Variants in TPPP observed in about 807,000 individuals in gnomAD.
TPPP encodes the protein tubulin polymerization promoting protein.
TPPP carries 6 observed loss-of-function variants against 15.5 expected under a neutral mutation model. That is an observed-to-expected ratio of 0.39 (90% CI 0.21 to 0.77). TPPP has a LOEUF of 0.77. TPPP is among the 30% of genes least tolerant of loss of function. The pLI is 0.42. For missense variants in TPPP, 269 were observed against 307.2 expected (o/e 0.88, Z 0.93); for synonymous variants, 146 against 133.9 (o/e 1.09, Z -0.63).
In TPPP at chr5:664,652, G is replaced by A. The variant is rs576714223; in HGVS notation, c.*450C>T. The A allele has an allele frequency of 5.9e-5, 10 of 169,254 alleles. No homozygotes were observed. The highest frequency in any genetic ancestry group is 1.1e-4 in the Non-Finnish European group (9 of 78,484). The allele number at this position is 169,254 out of a possible 1,614,324, so 10.5% of individuals were successfully genotyped here. On this transcript the variant is annotated 3_prime_UTR_variant, in exon 4 of 4. Coordinates refer to ENST00000360578, the MANE Select transcript of TPPP (RefSeq NM_007030.3). ...CTCGGGCCCCACAGACACCTCCCAC[G>A]TCCGGTGTGGGGCCAATTCCGTGTT...
At chr5:696,816 C>T (rs543187892), upstream of TPPP, among the ~76,000 whole-genome samples, 28 of 126,784 alleles carry the variant, frequency 2.2e-4, 1 homozygote, top group East Asian at 1.8e-3. Flanking sequence ...GTATGCATGC[C>T]GGTGTATGTA....
intron 1 of TPPP, among the ~76,000 whole-genome samples, chr5:684,769 C>T (rs980816596): frequency 1.3e-5 from 2 of 152,292 alleles, no homozygotes; most frequent in East Asian, 1.9e-4. Context: ...TATCATCGCA[C>T]GGCACTCCTG....
At chr5:691,169 C>A (rs1740853638) in intron 1 of TPPP, among the ~76,000 whole-genome samples, 1 of 49,342 alleles carries the variant, frequency 2.0e-5, no homozygotes, top group Non-Finnish European at 3.5e-5. Context: ...TCCGGGAGCC[C>A]GCCCCTCCCC....
rs1191831297 is a variant in TPPP, at chr5:660,507, T to C, written c.*4595A>G. On this transcript the variant is annotated 3_prime_UTR_variant, in exon 4 of 4. Transcript: ENST00000360578. ...AGTGTTTGAAGGACGTTCTAGCCTA[T>C]TGATAACATCACGGTCCAGCCTCAT... The C allele has an allele frequency of 6.6e-6, 1 of 152,426 alleles. No homozygotes were observed. The highest frequency in any genetic ancestry group is 1.5e-5 in the Non-Finnish European group (1 of 68,094). The allele number at this position is 152,426 out of a possible 1,614,324, so 9.4% of individuals were successfully genotyped here.
the TPPP span, among the ~76,000 whole-genome samples, chr5:698,495 C>T: frequency 4.6e-5 from 7 of 152,130 alleles, 1 homozygote; most frequent in Admixed American, 3.9e-4. Context: ...CATGGACTTA[C>T]AGTTCCACAC....
At chr5:678,098 G>A (rs760806484) in intron 1 of TPPP, 34 bp from the exon 2 acceptor site, 25 of 1,466,880 alleles carry the variant, frequency 1.7e-5, no homozygotes, top group East Asian at 9.9e-5. Flanking sequence ...GGTGTCACCC[G>A]GGCCATGTCC....
intron 2 of TPPP, among the ~76,000 whole-genome samples, chr5:677,180 G>A (rs1740479878): frequency 6.6e-6 from 1 of 152,246 alleles, no homozygotes; most frequent in African/African-American, 2.4e-5. Flanking sequence ...GGGAATCCTG[G>A]GGCAGAAATA....
chr5:684,559 C>T (rs1338529049), intron 1 of TPPP, among the ~76,000 whole-genome samples: 1 of 149,084 alleles, frequency 6.7e-6, no homozygotes, highest in Non-Finnish European at 1.5e-5. Flanking sequence ...TGGAGCTCAC[C>T]CAGCCCTCCT....
intron 1 of TPPP, among the ~76,000 whole-genome samples, chr5:679,396 TG>T (rs1372738366): frequency 1.1e-5 from 1 of 89,210 alleles, no homozygotes; most frequent in Non-Finnish European, 2.1e-5. Flanking sequence ...CTGGGCCGCG[TG>T]GGGGCAGGAT....
upstream of TPPP, among the ~76,000 whole-genome samples, chr5:694,158 G>A (rs1371890579): frequency 6.6e-6 from 1 of 150,454 alleles, no homozygotes; most frequent in Non-Finnish European, 1.5e-5. Context: ...CCCCTCCCCC[G>A]CTCCCCAGAC....
intron 2 of TPPP, among the ~76,000 whole-genome samples, chr5:674,638 C>T (rs1412252992): frequency 6.6e-6 from 1 of 152,100 alleles, no homozygotes; most frequent in African/African-American, 2.4e-5. Flanking sequence ...ACCAGAGCGG[C>T]CCTGGTCACC....
chr5:693,482 GCCCCGC>G (rs1740953117), upstream of TPPP: 1 of 131,558 alleles, frequency 7.6e-6, no homozygotes, highest in African/African-American at 2.9e-5. Flanking sequence ...CTCATTGGCA[GCCCCGC>G]CCCCGCCGCC....
In TPPP at chr5:660,134, C is replaced by G. The variant is rs1466570225; in HGVS notation, c.*4968G>C. On this transcript the variant is annotated 3_prime_UTR_variant, in exon 4 of 4. Transcript: ENST00000360578. ...AGAACAGCCATGACGTGGACATCAC[C>G]CGTCACACTGATAAAGTGATGCACT... The G allele has an allele frequency of 1.3e-5, 2 of 151,982 alleles. No individual in the cohort carries two copies. The highest frequency in any genetic ancestry group is 4.8e-5 in the African/African-American group (2 of 41,336). 9.4% of individuals were successfully genotyped at this position (151,982 alleles called of 1,614,324 possible).
Position 668,254 on chromosome 5 carries a change from C to T in TPPP, c.312-2131G>A, listed in dbSNP as rs1266271526. Among the ~76,000 whole-genome samples the T allele has an allele frequency of 1.7e-3, 109 of 64,794 alleles. 16 individuals carry two copies. Among genetic ancestry groups the T allele is most frequent in the Non-Finnish European group, 2.4e-3 (88 of 36,686 alleles). 42.5% of individuals were successfully genotyped at this position (64,794 alleles called of 152,430 possible). A position where few individuals can be genotyped will look rare whatever the true frequency, so the allele number is the denominator to read the frequency against. On this transcript the variant is annotated intron_variant, in intron 2 of 3. Transcript: ENST00000360578. ...CCGTGTGGGCGCCGTCAGGGAAGTGCGGACAAGCACACGGAGAGGGGTCCG... is the reference window on the plus strand; with the variant it reads ...CCGTGTGGGCGCCGTCAGGGAAGTGTGGACAAGCACACGGAGAGGGGTCCG...
Position 666,022 on chromosome 5 carries a change from C to G in TPPP, c.413G>C (p.Arg138Pro). The G allele has an allele frequency of 6.2e-7, 1 of 1,610,058 alleles. No individual in the cohort carries two copies. ...GCCCTCGATGAGCCTGTGCACCTCG[C>G]GAACGGCCTCCTCGCTGCTCTTGTC... ...FKDKSSEEAV[R>P]EVHRLIEGKA... Residue 138 changes from arginine (R) to proline (P), a missense_variant, in exon 3 of 4, where the codon CGC becomes CCC. By Grantham distance (103) the Arg-to-Pro change is moderately radical (BLOSUM62 -2). Coordinates refer to ENST00000360578, the MANE Select transcript of TPPP (RefSeq NM_007030.3).
intron 2 of TPPP, among the ~76,000 whole-genome samples, chr5:670,125 C>T (rs377043944): frequency 6.6e-6 from 1 of 152,274 alleles, no homozygotes; most frequent in East Asian, 1.9e-4. Context: ...GACACTGGGA[C>T]CCGGCCTGGG....
Position 667,991 on chromosome 5 carries a change from T to C in TPPP, c.312-1868A>G, listed in dbSNP as rs865797319. On this transcript the variant is annotated intron_variant, in intron 2 of 3. Coordinates refer to ENST00000360578, the MANE Select transcript of TPPP (RefSeq NM_007030.3). Reference sequence around the variant, plus strand: ...GGACAAGCACACAGAGAGGGGGCCGTGTGGGCGCCGTCAGGGAAGTACCGA... The same window carrying C: ...GGACAAGCACACAGAGAGGGGGCCGCGTGGGCGCCGTCAGGGAAGTACCGA... Among the ~76,000 whole-genome samples, 7 of 30,232 alleles carry C rather than the reference T, an allele frequency of 2.3e-4. 1 individual carries two copies. The highest frequency in any genetic ancestry group is 2.7e-3 in the South Asian group (2 of 736). 19.8% of individuals were successfully genotyped at this position (30,232 alleles called of 152,430 possible).
chr5:669,297 G>A (rs887454658), intron 2 of TPPP, among the ~76,000 whole-genome samples: 6 of 152,058 alleles, frequency 3.9e-5, no homozygotes, highest in Admixed American at 6.5e-5. Context: ...AGCCGGAGGT[G>A]CCCTGGGCAG....
chr5:668,971 C>T (rs1740077018), intron 2 of TPPP, among the ~76,000 whole-genome samples: 1 of 152,214 alleles, frequency 6.6e-6, no homozygotes, highest in Admixed American at 6.5e-5. Context: ...TAAACAGCAC[C>T]TGAGGGTTCC....
Sources: allele counts gnomAD v4.1 joint callset (sites outside exome capture counted in the v4.1 genomes callset), GRCh38; gene constraint gnomAD v4.1.1; transcripts MANE v1.5; gene names NCBI Gene and HGNC (gene_info 2026-07-23, HGNC 2026-07-21).